Variants in ZMYND11 observed in about 807,000 individuals in gnomAD.
The protein encoded by ZMYND11 is zinc finger MYND domain-containing protein 11.
A neutral mutation model predicts 84.9 loss-of-function variants in ZMYND11; 9 were observed. That is an observed-to-expected ratio of 0.11 (90% CI 0.06 to 0.18). ZMYND11 has a LOEUF of 0.18. Among genes scored for constraint, ZMYND11 ranks in the 10% least tolerant of loss-of-function variants. The pLI is 1.00. For synonymous variants in ZMYND11, 250 were observed against 244.1 expected (o/e 1.02, Z -0.23); for missense variants, 409 against 761.0 (o/e 0.54, Z 5.44).
At chr10:207,029 C>T (rs1182425926) in intron 2 of ZMYND11, among the ~76,000 whole-genome samples, 3 of 152,076 alleles carry the variant, frequency 2.0e-5, no homozygotes, top group African/African-American at 7.2e-5. Flanking sequence ...TGATGTTCCC[C>T]TTCCTGTGTC....
At position 189,998 on chromosome 10, in the gene ZMYND11, A is replaced by G. The variant is rs151131517; in HGVS notation, c.116+9870A>G. On this transcript the variant is annotated intron_variant, in intron 2 of 14. Transcript: ENST00000381604. ...AGAGGGACTGTAGGGCTTAAGGGAAAGTGGATAAAAAGGCAGAAAGAGTTA... is the reference window on the plus strand; with the variant it reads ...AGAGGGACTGTAGGGCTTAAGGGAAGGTGGATAAAAAGGCAGAAAGAGTTA... Among the ~76,000 whole-genome samples the G allele has an allele frequency of 1.6e-4, 24 of 152,362 alleles. No individual in the cohort carries two copies. The East Asian group carries it at 4.4e-3, about 28-fold the overall frequency.
At chr10:219,785 G>A (rs1292096074) in intron 3 of ZMYND11, among the ~76,000 whole-genome samples, 2 of 152,122 alleles carry the variant, frequency 1.3e-5, no homozygotes, top group African/African-American at 4.8e-5. Context: ...CCATACCAAA[G>A]GAAGTTTGCA....
At chr10:242,532 C>A (rs958246558) in intron 10 of ZMYND11, among the ~76,000 whole-genome samples, 1 of 152,170 alleles carries the variant, frequency 6.6e-6, no homozygotes, top group African/African-American at 2.4e-5. Flanking sequence ...AATCGTCAAT[C>A]TTGTGATCTT....
upstream of ZMYND11, among the ~76,000 whole-genome samples, chr10:134,181 G>T (rs1359672781): frequency 6.6e-6 from 1 of 152,124 alleles, no homozygotes; most frequent in East Asian, 1.9e-4. Flanking sequence ...CACAATGAGA[G>T]ATTAACAACA....
intron 6 of ZMYND11, among the ~76,000 whole-genome samples, chr10:238,971 C>T (rs944127895): frequency 2.6e-5 from 4 of 152,144 alleles, no homozygotes; most frequent in African/African-American, 9.7e-5. Flanking sequence ...CAATTCCTAG[C>T]CCCAATTCAG....
At chr10:242,445 A>AATTCC (rs1201705118) in intron 10 of ZMYND11, among the ~76,000 whole-genome samples, 1 of 152,138 alleles carries the variant, frequency 6.6e-6, no homozygotes, top group East Asian at 1.9e-4. Context: ...ATGGTAATGG[A>AATTCC]ATTACCATTA....
Position 239,540 on chromosome 10 carries a change from T to TGTTC in ZMYND11, c.697+15_697+16insGTTC. The stretch of plus-strand genomic sequence containing the variant: ...TTTCTATGGAGGTTGAATATTTTTG[T>TGTTC]TTTTTTTGTATGCATTTTTAAACAC... On this transcript the variant is annotated intron_variant, in intron 7 of 14. Transcript: ENST00000381604. 8 of 1,439,902 alleles carry TGTTC rather than the reference T, an allele frequency of 5.6e-6. No individual in the cohort carries two copies. Among genetic ancestry groups the TGTTC allele is most frequent in the Non-Finnish European group, 7.3e-6 (8 of 1,097,548 alleles). 89.2% of individuals were successfully genotyped at this position (1,439,902 alleles called of 1,614,324 possible). A position where few individuals can be genotyped will look rare whatever the true frequency, so the allele number is the denominator to read the frequency against.
At chr10:144,992 C>CT (rs1484002715) in intron 1 of ZMYND11, among the ~76,000 whole-genome samples, 2 of 151,014 alleles carry the variant, frequency 1.3e-5, no homozygotes, top group African/African-American at 4.9e-5. Context: ...GTACCCATAG[C>CT]TTAGTTCTCA....
chr10:139,398 A>G (rs1179503830), intron 1 of ZMYND11, among the ~76,000 whole-genome samples: 1 of 152,166 alleles, frequency 6.6e-6, no homozygotes, highest in Non-Finnish European at 1.5e-5. Flanking sequence ...ATGTGAGTTT[A>G]TTTCTACCAA....
intron 1 of ZMYND11, among the ~76,000 whole-genome samples, chr10:164,239 C>G (rs1843510720): frequency 6.6e-6 from 1 of 152,152 alleles, no homozygotes; most frequent in Non-Finnish European, 1.5e-5. Flanking sequence ...CTGCTTCAAA[C>G]ATACCGAGTT....
intron 2 of ZMYND11, among the ~76,000 whole-genome samples, chr10:206,459 T>A (rs1944192853): frequency 2.0e-5 from 3 of 152,364 alleles, no homozygotes; most frequent in African/African-American, 7.2e-5. Flanking sequence ...CTGAGAGAAT[T>A]GAATTAAAAT....
At chr10:200,887 T>C (rs1188441482) in intron 2 of ZMYND11, among the ~76,000 whole-genome samples, 1 of 152,198 alleles carries the variant, frequency 6.6e-6, no homozygotes, top group African/African-American at 2.4e-5. Context: ...CATTTTATTG[T>C]TTTCTTTTAA....
rs1953689148 is a variant in ZMYND11 at position 252,371 on chromosome 10, C to T, written c.1710C>T (p.Ala570=). 3.7e-6 allele frequency: 6 copies of T among 1,613,970 alleles called. No homozygotes were observed. The highest frequency in any genetic ancestry group is 3.3e-5 in the South Asian group (3 of 91,082). Residue 570 remains alanine, a synonymous_variant, in exon 15 of 15, where the codon GCC becomes GCT. Transcript: ENST00000381604. This position sits in a 1 kb window ranked among gnomAD's most constrained non-coding sequence, Gnocchi z 4.6. ...AGTGCTACAACTGTGAGGAGGAGGCCATGTACCACTGCTGCTGGAACACAT... is the reference window on the plus strand; with the variant it reads ...AGTGCTACAACTGTGAGGAGGAGGCTATGTACCACTGCTGCTGGAACACAT... ...KQWCYNCEEE[A]MYHCCWNTSY... is the part of the protein sequence containing the mutation.
chr10:177,536 T>G lies in ZMYND11; in HGVS notation c.-19-2458T>G, dbSNP rs1846923225. ...ATTTCTGGGAATCTGTGACATCACT[T>G]TTAGAGTTTCTGCTACTTAGTCCCC... On this transcript the variant is annotated intron_variant, in intron 1 of 14. Transcript: ENST00000381604. 2.0e-5 allele frequency among the ~76,000 whole-genome samples: 3 copies of G among 152,284 alleles called. No individual in the cohort carries two copies. The South Asian group carries it at 6.2e-4, about 32-fold the overall frequency.
intron 1 of ZMYND11, among the ~76,000 whole-genome samples, chr10:149,217 C>T (rs1839673201): frequency 6.6e-6 from 1 of 151,856 alleles, no homozygotes; most frequent in Non-Finnish European, 1.5e-5. Flanking sequence ...AGACCACACA[C>T]TCCCTTTGGA....
intron 1 of ZMYND11, among the ~76,000 whole-genome samples, chr10:172,376 C>T (rs530205712): frequency 6.6e-6 from 1 of 152,008 alleles, no homozygotes; most frequent in Non-Finnish European, 1.5e-5. Context: ...ACAAAAACAC[C>T]CTGGAACTAC....
At chr10:148,575 C>T (rs1839479497) in intron 1 of ZMYND11, 1 of 152,258 alleles carries the variant, frequency 6.6e-6, no homozygotes, top group Non-Finnish European at 1.5e-5. Context: ...CACAGGTATC[C>T]CAGTACCTAG....
chr10:240,131 A>G lies in ZMYND11; in HGVS notation c.753+20A>G. 1 of 1,556,794 alleles carries G rather than the reference A, an allele frequency of 6.4e-7. No individual in the cohort carries two copies. The highest frequency in any genetic ancestry group is 8.7e-7 in the Non-Finnish European group (1 of 1,143,110). On this transcript the variant is annotated intron_variant, in intron 8 of 14. Coordinates refer to ENST00000381604, the MANE Select transcript of ZMYND11 (RefSeq NM_001370100.5). ...CATGAGGTACTATTCATTGCCCAAT[A>G]GTTATACTCTTTCTATAACTGAAAT...
At chr10:162,400 A>G (rs56217646) in intron 1 of ZMYND11, among the ~76,000 whole-genome samples, 37,726 of 152,112 alleles carry the variant, frequency 0.25, 5,817 homozygotes, top group Non-Finnish European at 0.35. Flanking sequence ...TGTCAGAAAA[A>G]GGGCAGTAGA....
Sources: gnomAD v4.1 joint callset for allele counts (sites outside exome capture counted in the v4.1 genomes callset) on GRCh38, gnomAD v4.1.1 for gene constraint, Gnocchi (gnomAD v3.1) non-coding constraint, MANE v1.5 for transcripts, NCBI Gene and HGNC (gene_info 2026-07-23, HGNC 2026-07-21) for gene names.